The following RTN1 variants were observed in gnomAD, a reference collection of about 807,000 sequenced individuals.
The protein encoded by RTN1 is reticulon 1.
Under a neutral mutation model 65.5 loss-of-function variants are expected in RTN1, and 25 were observed. That is an observed-to-expected ratio of 0.38 (90% CI 0.28 to 0.53). RTN1 has a LOEUF of 0.53. RTN1 is among the 20% of genes least tolerant of loss of function. The probability of loss-of-function intolerance (pLI) is 0.79; values close to 1 mark genes in which losing one functional copy is unlikely to be tolerated. For missense variants in RTN1, 983 were observed against 1,025.4 expected, an observed-to-expected ratio of 0.96 and a Z score of 0.57; for synonymous variants, 471 against 447.6, an observed-to-expected ratio of 1.05 and a Z score of -0.66.
In RTN1 at chr14:59,870,409, G is replaced by A. The variant is rs1887876879; in HGVS notation, c.222C>T (p.Ala74=). ...GSGPARQSPV[A]METASTGVAG... ...CCTTACCTGTGGATGCAGTTTCCATGGCAACGGGCGACTGCCGGGCGGGGC... is the reference window on the plus strand; with the variant it reads ...CCTTACCTGTGGATGCAGTTTCCATAGCAACGGGCGACTGCCGGGCGGGGC... Residue 74 remains alanine (A), a synonymous_variant, in exon 1 of 9, where the codon GCC becomes GCT. Coordinates refer to ENST00000267484, the MANE Select transcript of RTN1 (RefSeq NM_021136.3). The surrounding 1 kb of genome is among the most constrained non-coding windows in gnomAD (Gnocchi z 5.1). 2.0e-6 allele frequency: 3 copies of A among 1,525,120 alleles called. No individual in the cohort carries two copies. The highest frequency in any genetic ancestry group is 2.9e-5 in the African/African-American group (2 of 69,852). 94.5% of individuals were successfully genotyped at this position (1,525,120 alleles called of 1,614,324 possible). A position where few individuals can be genotyped will look rare whatever the true frequency, so the allele number is the denominator to read the frequency against.
At chr14:59,739,720 G>T (rs1386411452) in intron 2 of RTN1, among the ~76,000 whole-genome samples, 1 of 152,142 alleles carries the variant, frequency 6.6e-6, no homozygotes, top group Non-Finnish European at 1.5e-5. Context: ...TTCATGTGGT[G>T]AGTGAGAAAA....
chr14:59,801,567 G>A (rs1218555187), intron 1 of RTN1, among the ~76,000 whole-genome samples: 1 of 152,100 alleles, frequency 6.6e-6, no homozygotes, highest in African/African-American at 2.4e-5. Context: ...CTATAGCAAG[G>A]AGAATCACTA....
intron 1 of RTN1, among the ~76,000 whole-genome samples, chr14:59,762,484 A>G (rs890728215): frequency 1.3e-5 from 2 of 152,208 alleles, no homozygotes; most frequent in Admixed American, 6.5e-5. Context: ...ACTTGTTATT[A>G]GGAAGACAGC....
In RTN1 at chr14:59,766,395, A is replaced by G. The variant is rs1003783904; in HGVS notation, c.242-19914T>C. Among the ~76,000 whole-genome samples the G allele has an allele frequency of 2.0e-5, 3 of 151,938 alleles. No individual in the cohort carries two copies. The highest frequency in any genetic ancestry group is 7.3e-5 in the African/African-American group (3 of 41,348). On this transcript the variant is annotated intron_variant, in intron 1 of 8. Coordinates refer to ENST00000267484, the MANE Select transcript of RTN1 (RefSeq NM_021136.3). The surrounding 1 kb of genome is among the most constrained non-coding windows in gnomAD (Gnocchi z 4.4). ...AGGCCAGAGTCAAGGTATACTTTCT[A>G]TTTTACCTTTGTTTTTATTATTTTT...
Position 59,870,493 on chromosome 14 carries a change from C to T in RTN1, c.138G>A (p.Glu46=), listed in dbSNP as rs749924211. 15 of 1,456,618 alleles carry T rather than the reference C, an allele frequency of 1.0e-5. No individual in the cohort carries two copies. The African/African-American group carries it at 2.1e-4, about 20-fold the overall frequency. The allele number at this position is 1,456,618 out of a possible 1,614,324, so 90.2% of individuals were successfully genotyped here. ...KGATPAPQAG[E]PSPGLGARAR... The stretch of plus-strand genomic sequence containing the variant: ...CCCTGGCGCCCAACCCCGGGCTGGG[C>T]TCCCCAGCCTGCGGCGCCGGCGTGG... The change falls in exon 1 of 9, where the codon GAG becomes GAA. Residue 46 remains glutamate (E), a synonymous_variant. Coordinates refer to ENST00000267484, the MANE Select transcript of RTN1 (RefSeq NM_021136.3). The surrounding 1 kb of genome is among the most constrained non-coding windows in gnomAD (Gnocchi z 5.1).
At chr14:59,714,109 C>G (rs896439684) in intron 3 of RTN1, among the ~76,000 whole-genome samples, 1 of 152,048 alleles carries the variant, frequency 6.6e-6, no homozygotes, top group East Asian at 1.9e-4. Flanking sequence ...GTGGCAGGCG[C>G]CTGTAATCCC....
At chr14:59,814,539 T>C (rs1224223322) in intron 1 of RTN1, among the ~76,000 whole-genome samples, 1 of 152,228 alleles carries the variant, frequency 6.6e-6, no homozygotes, top group Non-Finnish European at 1.5e-5. Flanking sequence ...CTAAATGACA[T>C]TCTTCCAAGT....
At chr14:59,778,014 G>T (rs1886086390) in intron 1 of RTN1, among the ~76,000 whole-genome samples, 1 of 152,022 alleles carries the variant, frequency 6.6e-6, no homozygotes, top group Non-Finnish European at 1.5e-5. Flanking sequence ...TAAGTTCCCT[G>T]AATGTGCTGT....
At chr14:59,763,481 G>A (rs555847355) in intron 1 of RTN1, among the ~76,000 whole-genome samples, 14 of 150,804 alleles carry the variant, frequency 9.3e-5, no homozygotes, top group Non-Finnish European at 1.9e-4. Flanking sequence ...TAAATTACAT[G>A]CAATAAATTT....
At chr14:59,669,256 C>T (rs959873396) in intron 3 of RTN1, among the ~76,000 whole-genome samples, 8 of 152,212 alleles carry the variant, frequency 5.3e-5, no homozygotes, top group African/African-American at 1.7e-4. Context: ...ACATATACAC[C>T]ATGGAATACT....
chr14:59,735,741 G>A lies in RTN1; in HGVS notation c.1016-8073C>T, dbSNP rs895966180. On this transcript the variant is annotated intron_variant, in intron 2 of 8. Transcript: ENST00000267484. Reference sequence around the variant, plus strand: ...GTGGGCACCCAGATTCATAAAGCAAGTTCTTAGAGACCTTCAATGAGATTT... The same window carrying A: ...GTGGGCACCCAGATTCATAAAGCAAATTCTTAGAGACCTTCAATGAGATTT... Among the ~76,000 whole-genome samples the A allele has an allele frequency of 2.6e-5, 4 of 152,244 alleles. No individual in the cohort carries two copies. The East Asian group carries it at 7.7e-4, about 29-fold the overall frequency.
chr14:59,781,130 A>C (rs2139574506), intron 1 of RTN1, among the ~76,000 whole-genome samples: 1 of 152,224 alleles, frequency 6.6e-6, no homozygotes, highest in East Asian at 1.9e-4. Flanking sequence ...GCAGATAAGG[A>C]AATGGAAGTG....
At chr14:59,801,084 C>A (rs1203319669) in intron 1 of RTN1, among the ~76,000 whole-genome samples, 1 of 152,134 alleles carries the variant, frequency 6.6e-6, no homozygotes, top group Non-Finnish European at 1.5e-5. Flanking sequence ...AAACAAAACA[C>A]AGCATCCAAG....
In RTN1 at chr14:59,847,757, T is replaced by C. The variant is rs925340871; in HGVS notation, c.241+22633A>G. Among the ~76,000 whole-genome samples, 4 of 152,208 alleles carry C rather than the reference T, an allele frequency of 2.6e-5. No individual in the cohort carries two copies. The South Asian group carries it at 8.3e-4, about 31-fold the overall frequency. On this transcript the variant is annotated intron_variant, in intron 1 of 8. Coordinates refer to ENST00000267484, the MANE Select transcript of RTN1 (RefSeq NM_021136.3). ...GGTAAGTGATCATGAAGTCTCTGCT[T>C]GGACCCTTCCAGTGATGGAGAACGC...
At chr14:59,749,262 A>C (rs377279704) in intron 1 of RTN1, among the ~76,000 whole-genome samples, 1 of 80,508 alleles carries the variant, frequency 1.2e-5, no homozygotes, top group Admixed American at 1.7e-4. Flanking sequence ...ATATCTATAT[A>C]TATCTATATA....
chr14:59,599,872 G>A (rs1881525220), intron 8 of RTN1, among the ~76,000 whole-genome samples: 1 of 152,072 alleles, frequency 6.6e-6, no homozygotes, highest in African/African-American at 2.4e-5. Context: ...TATTCCATGA[G>A]ATTTATCAAA....
intron 3 of RTN1, among the ~76,000 whole-genome samples, chr14:59,686,913 C>A (rs1021812701): frequency 6.6e-6 from 1 of 152,218 alleles, no homozygotes; most frequent in Non-Finnish European, 1.5e-5. Context: ...AGTGACCTGG[C>A]AGCATGGCCA....
intron 1 of RTN1, among the ~76,000 whole-genome samples, chr14:59,789,126 T>C (rs1033515296): frequency 6.6e-5 from 10 of 152,102 alleles, no homozygotes; most frequent in Non-Finnish European, 1.0e-4. Context: ...TTTCTTTAGC[T>C]TAATTATGTA....
intron 1 of RTN1, among the ~76,000 whole-genome samples, chr14:59,750,388 A>G (rs1343523859): frequency 1.0e-4 from 6 of 58,596 alleles, no homozygotes; most frequent in Admixed American, 3.8e-4. Flanking sequence ...ATTATATATT[A>G]TATCTATAAT....
Sources: allele counts gnomAD v4.1 joint callset (sites outside exome capture counted in the v4.1 genomes callset), GRCh38; gene constraint gnomAD v4.1.1; non-coding constraint Gnocchi (gnomAD v3.1); transcripts MANE v1.5; gene names NCBI Gene and HGNC (gene_info 2026-07-23, HGNC 2026-07-21).